Variants in SHISA6 observed in about 807,000 individuals in gnomAD.
The protein encoded by SHISA6 is shisa family member 6.
SHISA6 carries 22 observed loss-of-function variants against 47.9 expected under a neutral mutation model. The ratio of observed to expected loss-of-function variants is 0.46; its 90% confidence interval spans 0.33 to 0.66. SHISA6 has a LOEUF of 0.66. Among genes scored for constraint, SHISA6 ranks in the 30% least tolerant of loss-of-function variants. The probability of loss-of-function intolerance (pLI) is 0.02; values close to 1 mark genes in which losing one functional copy is unlikely to be tolerated. For synonymous variants in SHISA6, 388 were observed against 337.8 expected, an observed-to-expected ratio of 1.15 and a Z score of -1.63; for missense variants, 680 against 764.6, an observed-to-expected ratio of 0.89 and a Z score of 1.30.
intron 1 of SHISA6, among the ~76,000 whole-genome samples, chr17:11,262,946 T>C (rs1908286944): frequency 6.6e-6 from 1 of 152,130 alleles, no homozygotes. Flanking sequence ...CAGTGTGTAG[T>C]TTTGGATGAT....
chr17:11,456,310 G>A (rs1915531763), intron 3 of SHISA6, among the ~76,000 whole-genome samples: 1 of 152,180 alleles, frequency 6.6e-6, no homozygotes. Context: ...GAGCCATTTT[G>A]CTCACTGGGG....
intron 3 of SHISA6, among the ~76,000 whole-genome samples, chr17:11,405,662 C>T (rs1232064333): frequency 3.3e-5 from 5 of 151,940 alleles, no homozygotes; most frequent in East Asian, 1.9e-4. Flanking sequence ...ATTAGCCAGG[C>T]GTGGTGGCGG....
chr17:11,428,611 T>C, intron 3 of SHISA6, among the ~76,000 whole-genome samples: 1 of 152,172 alleles, frequency 6.6e-6, no homozygotes, highest in East Asian at 1.9e-4. Flanking sequence ...ATTTCAAAAC[T>C]TGGTGGCTTA....
At chr17:11,267,944 G>T (rs550654206) in intron 2 of SHISA6, among the ~76,000 whole-genome samples, 24 of 152,278 alleles carry the variant, frequency 1.6e-4, no homozygotes, top group African/African-American at 5.5e-4. Flanking sequence ...AGTTCCCTGA[G>T]TCCAGCACCT....
At chr17:11,320,880 T>G (rs1481033182) in intron 2 of SHISA6, among the ~76,000 whole-genome samples, 1 of 152,198 alleles carries the variant, frequency 6.6e-6, no homozygotes, top group Non-Finnish European at 1.5e-5. Flanking sequence ...CATCATTTTG[T>G]GAAAATGTAT....
At position 11,241,400 on chromosome 17, in the gene SHISA6, G is replaced by T; in HGVS notation, c.-23G>T. ...AGCGGCCTGCCGCGGAAGCCTCCCC[G>T]CGCCCTCCCGCCCGGCCCCGCCATG... On this transcript the variant is annotated 5_prime_UTR_variant, in exon 1 of 6. Transcript: ENST00000441885. This position sits in a 1 kb window ranked among gnomAD's most constrained non-coding sequence, Gnocchi z 5.5. 9.1e-7 allele frequency: 1 copy of T among 1,095,882 alleles called. No homozygotes were observed. The highest frequency in any genetic ancestry group is 1.1e-6 in the Non-Finnish European group (1 of 900,186). The allele number at this position is 1,095,882 out of a possible 1,614,324, so 67.9% of individuals were successfully genotyped here.
At chr17:11,430,350 G>A (rs1271937888) in intron 3 of SHISA6, among the ~76,000 whole-genome samples, 10 of 152,114 alleles carry the variant, frequency 6.6e-5, no homozygotes, top group Non-Finnish European at 1.3e-4. Flanking sequence ...AGGATCAAGT[G>A]TTTTACCGCA....
intron 2 of SHISA6, among the ~76,000 whole-genome samples, chr17:11,301,652 C>T (rs756090478): frequency 5.9e-5 from 9 of 152,298 alleles, no homozygotes; most frequent in Admixed American, 3.9e-4. Context: ...AGAAAACTTC[C>T]CACTCTTACT....
At chr17:11,303,988 C>T (rs1256684095) in intron 2 of SHISA6, among the ~76,000 whole-genome samples, 1 of 152,186 alleles carries the variant, frequency 6.6e-6, no homozygotes, top group Non-Finnish European at 1.5e-5. Flanking sequence ...GCTCCATATC[C>T]AGGAGCAGAT....
intron 3 of SHISA6, among the ~76,000 whole-genome samples, chr17:11,384,863 A>G (rs184750026): frequency 2.0e-5 from 3 of 152,320 alleles, no homozygotes; most frequent in Admixed American, 2.0e-4. Flanking sequence ...GGAGAGAGAA[A>G]GAGAAATTTT....
At chr17:11,492,126 C>T (rs1005685980) in intron 3 of SHISA6, among the ~76,000 whole-genome samples, 2 of 152,038 alleles carry the variant, frequency 1.3e-5, no homozygotes, top group African/African-American at 2.4e-5. Flanking sequence ...GGGTGGAATG[C>T]GGTGGGGGAG....
intron 2 of SHISA6, among the ~76,000 whole-genome samples, chr17:11,339,670 T>G (rs1461992958): frequency 6.6e-6 from 1 of 152,202 alleles, no homozygotes; most frequent in East Asian, 1.9e-4. Context: ...GCTTCCTTCT[T>G]CTATCTTGCA....
intron 3 of SHISA6, among the ~76,000 whole-genome samples, chr17:11,501,823 A>G (rs1209928560): frequency 6.6e-6 from 1 of 152,070 alleles, no homozygotes; most frequent in African/African-American, 2.4e-5. Context: ...GCAGATAGAC[A>G]AGGACAAGAG....
intron 2 of SHISA6, among the ~76,000 whole-genome samples, chr17:11,305,079 C>T (rs1567566819): frequency 6.6e-6 from 1 of 152,232 alleles, no homozygotes; most frequent in Non-Finnish European, 1.5e-5. Context: ...TCATGCGTCA[C>T]ATCTCATCCC....
intron 3 of SHISA6, among the ~76,000 whole-genome samples, chr17:11,404,847 A>G (rs1913896235): frequency 6.6e-6 from 1 of 152,174 alleles, no homozygotes; most frequent in African/African-American, 2.4e-5. Context: ...TGACTCTGCT[A>G]CTACAAGAGG....
intron 2 of SHISA6, among the ~76,000 whole-genome samples, chr17:11,369,261 C>G (rs755873124): frequency 6.6e-5 from 10 of 152,182 alleles, no homozygotes; most frequent in Non-Finnish European, 1.2e-4. Context: ...CACTTTGTGA[C>G]TTTGTGTAAT....
intron 5 of SHISA6, among the ~76,000 whole-genome samples, chr17:11,556,215 A>G (rs2071978244): frequency 6.6e-6 from 1 of 152,078 alleles, no homozygotes; most frequent in South Asian, 2.1e-4. Flanking sequence ...TCTTCAAACC[A>G]TGGGCCTTCC....
At chr17:11,286,762 C>T (rs547380852) in intron 2 of SHISA6, among the ~76,000 whole-genome samples, 62 of 152,296 alleles carry the variant, frequency 4.1e-4, no homozygotes, top group African/African-American at 1.5e-3. Context: ...TGTCCAGAAT[C>T]TCAAAATGCG....
intron 3 of SHISA6, among the ~76,000 whole-genome samples, chr17:11,447,021 C>T (rs899437788): frequency 6.6e-6 from 1 of 152,220 alleles, no homozygotes; most frequent in Non-Finnish European, 1.5e-5. Flanking sequence ...TCTAAACTCT[C>T]AAGAGTATCT....
Sources: allele counts gnomAD v4.1 joint callset (sites outside exome capture counted in the v4.1 genomes callset), GRCh38; gene constraint gnomAD v4.1.1; non-coding constraint Gnocchi (gnomAD v3.1); transcripts MANE v1.5; gene names NCBI Gene and HGNC (gene_info 2026-07-23, HGNC 2026-07-21).